The following LYPD6 variants were observed in gnomAD, a reference collection of about 807,000 sequenced individuals.
The protein encoded by LYPD6 is ly6/PLAUR domain-containing protein 6.
Under a neutral mutation model 22.7 loss-of-function variants are expected in LYPD6, and 15 were observed. The observed-to-expected ratio is 0.66, with a 90% CI of 0.44 to 1.02. LYPD6 has a LOEUF of 1.02. LYPD6 is among the 50% of genes least tolerant of loss of function. The pLI is 0.00. For synonymous variants in LYPD6, 72 were observed against 77.5 expected (o/e 0.93, Z 0.37); for missense variants, 189 against 208.4 (o/e 0.91, Z 0.57).
At chr2:149,352,708 T>C (rs1270791441) in intron 1 of LYPD6, among the ~76,000 whole-genome samples, 2 of 152,244 alleles carry the variant, frequency 1.3e-5, no homozygotes, top group African/African-American at 4.8e-5. Context: ...AAGTGTGTAA[T>C]TGGGACAGAG....
In LYPD6 at chr2:149,446,795, G is replaced by T. The variant is rs189505907; in HGVS notation, c.119-2254G>T. Among the ~76,000 whole-genome samples the T allele has an allele frequency of 2.6e-5, 4 of 152,230 alleles. No individual in the cohort carries two copies. The East Asian group carries it at 7.7e-4, about 29-fold the overall frequency. Reference sequence around the variant, plus strand: ...TGATCATGACACATTATTTGATATTGTCATAGTCAGGTCTGTGAAGTAATG... The same window carrying T: ...TGATCATGACACATTATTTGATATTTTCATAGTCAGGTCTGTGAAGTAATG... On this transcript the variant is annotated intron_variant, in intron 2 of 4. Coordinates refer to ENST00000334166, the MANE Select transcript of LYPD6 (RefSeq NM_194317.5).
In LYPD6 at chr2:149,367,859, G is replaced by A. The variant is rs1191554244; in HGVS notation, c.-72+37137G>A. On this transcript the variant is annotated intron_variant, in intron 1 of 4. Coordinates refer to ENST00000334166, the MANE Select transcript of LYPD6 (RefSeq NM_194317.5). ...TCTTTTCCTTCTCATTTTCAAAGGT[G>A]TGTTAGAGGGAAAGGAATATATTCT... The A allele has an allele frequency of 2.6e-5, 4 of 152,314 alleles. No individual in the cohort carries two copies. In the East Asian group the frequency reaches 5.8e-4, roughly 22 times the overall value. 9.4% of individuals were successfully genotyped at this position (152,314 alleles called of 1,614,324 possible). A position where few individuals can be genotyped will look rare whatever the true frequency, so the allele number is the denominator to read the frequency against.
intron 1 of LYPD6, among the ~76,000 whole-genome samples, chr2:149,365,957 A>C (rs968656999): frequency 6.6e-6 from 1 of 152,152 alleles, no homozygotes; most frequent in Non-Finnish European, 1.5e-5. Context: ...ATTCTGATAG[A>C]TCTTATAACC....
At chr2:149,335,719 G>C (rs1028223611) in intron 1 of LYPD6, among the ~76,000 whole-genome samples, 1 of 152,110 alleles carries the variant, frequency 6.6e-6, no homozygotes, top group African/African-American at 2.4e-5. Flanking sequence ...TTCATGGTAC[G>C]TGCCCTATAT....
chr2:149,412,715 G>A (rs1480398668), intron 1 of LYPD6, among the ~76,000 whole-genome samples: 180 of 152,202 alleles, frequency 1.2e-3, no homozygotes, highest in Non-Finnish European at 2.5e-4. Context: ...CAATATTATC[G>A]TTGGAAGCCA....
intron 1 of LYPD6, among the ~76,000 whole-genome samples, chr2:149,359,888 G>T (rs1404803054): frequency 6.6e-6 from 1 of 152,156 alleles, no homozygotes; most frequent in East Asian, 1.9e-4. Flanking sequence ...ATTGTAAAGT[G>T]AAAGTAAGTT....
intron 3 of LYPD6, among the ~76,000 whole-genome samples, chr2:149,451,368 A>C (rs371872950): frequency 6.6e-6 from 1 of 152,140 alleles, no homozygotes; most frequent in African/African-American, 2.4e-5. Flanking sequence ...ATATCCTCAC[A>C]TTGGTGATTA....
intron 3 of LYPD6, among the ~76,000 whole-genome samples, chr2:149,466,670 C>A (rs1258849318): frequency 3.3e-5 from 5 of 152,166 alleles, no homozygotes; most frequent in Admixed American, 6.6e-5. Flanking sequence ...ATATCAAGTT[C>A]ACCAATTGTT....
chr2:149,468,047 C>T (rs549050175), intron 3 of LYPD6, among the ~76,000 whole-genome samples: 26 of 150,876 alleles, frequency 1.7e-4, no homozygotes, highest in Middle Eastern at 6.8e-3. Context: ...TTTCAGTCTT[C>T]GTCTGTAATG....
Position 149,470,937 on chromosome 2 carries a change from T to A in LYPD6, c.*87T>A. On this transcript the variant is annotated 3_prime_UTR_variant, in exon 5 of 5. Transcript: ENST00000334166. ...CATGAGTCATTGGCCTGACAGTAAT[T>A]ACACATGTGAGACACAACACTCTTG... 1.6e-6 allele frequency: 2 copies of A among 1,231,290 alleles called. No homozygotes were observed. Among genetic ancestry groups the A allele is most frequent in the Non-Finnish European group, 2.3e-6 (2 of 863,664 alleles). The allele number at this position is 1,231,290 out of a possible 1,614,324, so 76.3% of individuals were successfully genotyped here.
chr2:149,442,572 C>T (rs540062457), intron 2 of LYPD6, among the ~76,000 whole-genome samples: 3 of 151,900 alleles, frequency 2.0e-5, no homozygotes, highest in Admixed American at 6.6e-5. Flanking sequence ...TTTGAAACTC[C>T]GCTTGCTCTA....
chr2:149,443,833 T>C (rs1279875766), intron 2 of LYPD6, among the ~76,000 whole-genome samples: 1 of 152,096 alleles, frequency 6.6e-6, no homozygotes, highest in Non-Finnish European at 1.5e-5. Flanking sequence ...GTTATGCAAA[T>C]TTTTTGGTCT....
At chr2:149,395,947 G>A (rs1682419836) in intron 1 of LYPD6, among the ~76,000 whole-genome samples, 1 of 152,114 alleles carries the variant, frequency 6.6e-6, no homozygotes, top group Non-Finnish European at 1.5e-5. Context: ...CTGCCTTTCT[G>A]GAGTTGTCCT....
intron 2 of LYPD6, among the ~76,000 whole-genome samples, chr2:149,446,625 G>A (rs1683695126): frequency 1.3e-5 from 2 of 152,104 alleles, no homozygotes; most frequent in Admixed American, 1.3e-4. Context: ...CTGTGTCTAA[G>A]CTGCTTTCCA....
chr2:149,386,155 G>A (rs552238306), intron 1 of LYPD6, among the ~76,000 whole-genome samples: 4 of 152,266 alleles, frequency 2.6e-5, no homozygotes, highest in South Asian at 2.1e-4. Context: ...GAAGAATGAC[G>A]ATTAACCTGA....
intron 3 of LYPD6, among the ~76,000 whole-genome samples, chr2:149,457,091 T>C (rs1680974698): frequency 6.6e-6 from 1 of 152,230 alleles, no homozygotes; most frequent in Non-Finnish European, 1.5e-5. Context: ...TTATCATTCT[T>C]GTTGGATGTA....
intron 1 of LYPD6, among the ~76,000 whole-genome samples, chr2:149,396,032 G>A (rs911613942): frequency 6.6e-6 from 1 of 152,074 alleles, no homozygotes; most frequent in Non-Finnish European, 1.5e-5. Flanking sequence ...GAATTTTAAC[G>A]AATATTTACA....
chr2:149,408,094 G>T (rs945859840), intron 1 of LYPD6, among the ~76,000 whole-genome samples: 6 of 152,150 alleles, frequency 3.9e-5, no homozygotes, highest in Admixed American at 3.9e-4. Flanking sequence ...TCCTCTAGAA[G>T]TTTTGTCTCA....
chr2:149,415,709 C>G (rs1247795420), intron 1 of LYPD6, among the ~76,000 whole-genome samples: 1 of 152,146 alleles, frequency 6.6e-6, no homozygotes, highest in African/African-American at 2.4e-5. Context: ...CATCGTCCCC[C>G]AGGCTGGGGT....
Sources: allele counts gnomAD v4.1 joint callset (sites outside exome capture counted in the v4.1 genomes callset), GRCh38; gene constraint gnomAD v4.1.1; transcripts MANE v1.5; gene names NCBI Gene and HGNC (gene_info 2026-07-23, HGNC 2026-07-21).